Variants in ARHGAP23 observed in about 807,000 individuals in gnomAD.
ARHGAP23 encodes the protein Rho GTPase activating protein 23, also known as rho GTPase-activating protein 23.
A neutral mutation model predicts 136.3 loss-of-function variants in ARHGAP23; 34 were observed. That is an observed-to-expected ratio of 0.25 (90% confidence interval 0.19 to 0.33). ARHGAP23 has a LOEUF of 0.33. Ranked by LOEUF, ARHGAP23 falls within the 10% of genes least tolerant of loss-of-function variation. The pLI is 1.00. For missense variants in ARHGAP23, 1,808 were observed against 2,139.0 expected (o/e 0.85, Z 3.05); for synonymous variants, 832 against 920.5 (o/e 0.90, Z 1.74).
At position 38,497,428 on chromosome 17, in the gene ARHGAP23, G is replaced by T. The variant is rs558046558; in HGVS notation, c.3277-357G>T. ...CTGGTGCCTCCCTGCCCCCCGGCTC[G>T]CTGTGGGGAGTATACCACAGGGGTG... On this transcript the variant is annotated intron_variant, in intron 20 of 23. Transcript: ENST00000622683. 4.6e-5 allele frequency among the ~76,000 whole-genome samples: 7 copies of T among 152,338 alleles called. 1 individual carries two copies. The highest frequency in any genetic ancestry group is 3.3e-4 in the Admixed American group (5 of 15,306).
In ARHGAP23 at chr17:38,477,836, C is replaced by G. The variant is rs1316309528; in HGVS notation, c.2376C>G (p.Asp792Glu). ...DFCEYLFQAE[D>E]RDDMLGWIRA... ...GTGAATATCTCTTTCAGGCTGAGGA[C>G]CGGGATGACATGCTGGGCTGGATCA... Residue 792 changes from aspartate (D) to glutamate (E), a missense_variant, in exon 12 of 24, where the codon GAC becomes GAG. Asp to Glu is a conservative substitution (Grantham distance 45). Coordinates refer to ENST00000622683, the MANE Select transcript of ARHGAP23 (RefSeq NM_001199417.2). This position sits in a 1 kb window ranked among gnomAD's most constrained non-coding sequence, Gnocchi z 6.6. 9.7e-6 allele frequency: 15 copies of G among 1,549,574 alleles called. No individual in the cohort carries two copies. The highest frequency in any genetic ancestry group is 1.2e-5 in the Non-Finnish European group (14 of 1,146,622).
rs1323470620 is a variant in ARHGAP23 at position 38,510,275 on chromosome 17, T to C, written c.3779T>C (p.Val1260Ala). 1.5e-5 allele frequency: 19 copies of C among 1,294,702 alleles called. No homozygotes were observed. Among genetic ancestry groups the C allele is most frequent in the Middle Eastern group, 2.2e-4 (1 of 4,628 alleles). 80.2% of individuals were successfully genotyped at this position (1,294,702 alleles called of 1,614,324 possible). A position where few individuals can be genotyped will look rare whatever the true frequency, so the allele number is the denominator to read the frequency against. ...ACCCTGTCCACCATGGACCGCAGCG[T>C]GTGCTCGGGCGCTAGCGGTCGGCGG... Reference protein sequence around the residue: ...YSTLSTMDRSVCSGASGRRAG... With the variant: ...YSTLSTMDRSACSGASGRRAG... The change falls in exon 24 of 24, where the codon GTG (valine) becomes GCG (alanine). Residue 1260 changes from valine (V) to alanine (A), a missense_variant. Val to Ala is a moderately conservative substitution (Grantham distance 64). This residue lies in a region of ARHGAP23 where 506 missense variants were observed against 455.8 expected (regional missense o/e 1.11). Transcript: ENST00000622683. This position sits in a 1 kb window ranked among gnomAD's most constrained non-coding sequence, Gnocchi z 4.6.
chr17:38,466,532 G>A lies in ARHGAP23; in HGVS notation c.849G>A (p.Glu283=), dbSNP rs1477252404. ...PGSRVPPSRL[E]CQQALSHWLS... The stretch of plus-strand genomic sequence containing the variant: ...GCCGGGTGCCCCCCAGCAGACTGGA[G>A]TGCCAGCAGGCCTTGTCACACTGGC... The change falls in exon 7 of 24, where the codon GAG becomes GAA. Residue 283 remains glutamate (E), a synonymous_variant. Coordinates refer to ENST00000622683, the MANE Select transcript of ARHGAP23 (RefSeq NM_001199417.2). 2.0e-6 allele frequency: 3 copies of A among 1,475,522 alleles called. No individual in the cohort carries two copies. The highest frequency in any genetic ancestry group is 2.7e-6 in the Non-Finnish European group (3 of 1,116,746). 91.4% of individuals were successfully genotyped at this position (1,475,522 alleles called of 1,614,324 possible).
intron 1 of ARHGAP23, among the ~76,000 whole-genome samples, chr17:38,429,912 C>T (rs1204760670): frequency 6.6e-6 from 1 of 152,218 alleles, no homozygotes; most frequent in African/African-American, 2.4e-5. Flanking sequence ...AAAGTGACAG[C>T]TCTCACTGCC....
chr17:38,496,649 G>A (rs1037640011), intron 20 of ARHGAP23, among the ~76,000 whole-genome samples: 6 of 152,260 alleles, frequency 3.9e-5, no homozygotes, highest in Admixed American at 3.3e-4. Flanking sequence ...GCTCCAGAGA[G>A]CAGGAGGTTC....
At chr17:38,429,419 G>C (rs1416875058) in intron 1 of ARHGAP23, among the ~76,000 whole-genome samples, 1 of 152,226 alleles carries the variant, frequency 6.6e-6, no homozygotes, top group African/African-American at 2.4e-5. Context: ...ACACTGTCAG[G>C]CCAACAGTTT....
At chr17:38,484,852 C>T (rs2040125562) in intron 16 of ARHGAP23, among the ~76,000 whole-genome samples, 1 of 152,112 alleles carries the variant, frequency 6.6e-6, no homozygotes, top group African/African-American at 2.4e-5. Context: ...ATGAATCTAA[C>T]CCCTGGTGAG....
At chr17:38,462,021 G>A (rs749295947) in intron 3 of ARHGAP23, among the ~76,000 whole-genome samples, 10 of 147,816 alleles carry the variant, frequency 6.8e-5, no homozygotes, top group African/African-American at 1.8e-4. Context: ...GGTGCTATCC[G>A]GGCTCACTGC....
rs2040723207 is a variant in ARHGAP23 at position 38,510,163 on chromosome 17, C to T, written c.3667C>T (p.Pro1223Ser). 1.5e-6 allele frequency: 2 copies of T among 1,293,406 alleles called. No individual in the cohort carries two copies. Among genetic ancestry groups the T allele is most frequent in the African/African-American group, 1.5e-5 (1 of 64,614 alleles). 80.1% of individuals were successfully genotyped at this position (1,293,406 alleles called of 1,614,324 possible). ...GGGGCCGCTGCCTGGCGCCGTCGCC[C>T]CCGAGGCCCCCGGACGCCTCAGTCC... Reference protein sequence around the residue: ...PQGPLPGAVAPEAPGRLSPPA... With the variant: ...PQGPLPGAVASEAPGRLSPPA... Residue 1223 changes from proline to serine, a missense_variant, in exon 24 of 24, where the codon CCC becomes TCC. By Grantham distance (74) the Pro-to-Ser change is moderately conservative. Transcript: ENST00000622683. This position sits in a 1 kb window ranked among gnomAD's most constrained non-coding sequence, Gnocchi z 4.6.
intron 6 of ARHGAP23, among the ~76,000 whole-genome samples, chr17:38,464,412 T>A (rs2039534150): frequency 6.6e-6 from 1 of 152,240 alleles, no homozygotes; most frequent in Admixed American, 6.5e-5. Context: ...GGCGGCTTAC[T>A]TGCCCCTGAG....
chr17:38,445,107 C>A (rs533999883), intron 1 of ARHGAP23, among the ~76,000 whole-genome samples: 1 of 151,810 alleles, frequency 6.6e-6, no homozygotes, highest in South Asian at 2.1e-4. Flanking sequence ...CCTGAGCCAC[C>A]GTGCCTGGCC....
upstream of ARHGAP23, among the ~76,000 whole-genome samples, chr17:38,426,516 C>CTGGA (rs2038571078): frequency 7.7e-6 from 1 of 129,678 alleles, no homozygotes; most frequent in African/African-American, 3.1e-5. Flanking sequence ...CACCATTGCA[C>CTGGA]TCCAGCCTGG....
chr17:38,504,473 G>A (rs1404621278), intron 23 of ARHGAP23, among the ~76,000 whole-genome samples: 3 of 152,326 alleles, frequency 2.0e-5, no homozygotes, highest in South Asian at 2.1e-4. Context: ...CAGGCTGTGA[G>A]CTCTGAGGGT....
At chr17:38,485,540 C>T (rs1420251950) in intron 16 of ARHGAP23, among the ~76,000 whole-genome samples, 1 of 152,138 alleles carries the variant, frequency 6.6e-6, no homozygotes, top group African/African-American at 2.4e-5. Flanking sequence ...AAAGTCAGGG[C>T]TGGGGTGCAG....
chr17:38,469,167 G>A lies in ARHGAP23; in HGVS notation c.1672G>A (p.Asp558Asn). 1 of 1,551,116 alleles carries A rather than the reference G, an allele frequency of 6.4e-7. No individual in the cohort carries two copies. Among genetic ancestry groups the A allele is most frequent in the Non-Finnish European group, 8.7e-7 (1 of 1,146,592 alleles). The change falls in exon 8 of 24, where the codon GAC becomes AAC. Residue 558 changes from aspartate (D) to asparagine (N), a missense_variant. Transcript: ENST00000622683. Reference protein sequence around the residue: ...FIDEPTSPSIDLQAKHVPASA... With the variant: ...FIDEPTSPSINLQAKHVPASA... ...AGATGAGCCCACCAGCCCCAGCATT[G>A]ACCTCCAAGCCAAGCACGTCCCTGC... is the stretch of plus-strand genomic sequence containing the variant.
At chr17:38,507,564 A>G (rs1475274100) in intron 23 of ARHGAP23, among the ~76,000 whole-genome samples, 3 of 152,178 alleles carry the variant, frequency 2.0e-5, no homozygotes, top group Admixed American at 2.0e-4. Flanking sequence ...AAGAGAAATC[A>G]GTCTGACCTC....
intron 1 of ARHGAP23, among the ~76,000 whole-genome samples, chr17:38,439,072 G>A (rs1055585844): frequency 5.9e-5 from 9 of 151,504 alleles, no homozygotes; most frequent in Non-Finnish European, 1.3e-4. Flanking sequence ...AGCTACTTGG[G>A]AGGCTGAGGC....
At chr17:38,445,135 G>A (rs1408618347) in intron 1 of ARHGAP23, among the ~76,000 whole-genome samples, 5 of 151,374 alleles carry the variant, frequency 3.3e-5, no homozygotes, top group Non-Finnish European at 1.5e-5. Flanking sequence ...TTGTGTGTGT[G>A]TTTGATTTCT....
intron 17 of ARHGAP23, among the ~76,000 whole-genome samples, chr17:38,488,175 T>C (rs1436830979): frequency 6.6e-6 from 1 of 152,244 alleles, no homozygotes. Context: ...TTCAAAGTGC[T>C]GGGATTTTAG....
Sources: gnomAD v4.1 joint callset for allele counts (sites outside exome capture counted in the v4.1 genomes callset) on GRCh38, gnomAD v4.1.1 for gene constraint, gnomAD v4.1.1 regional missense constraint, Gnocchi (gnomAD v3.1) non-coding constraint, MANE v1.5 for transcripts, NCBI Gene and HGNC (gene_info 2026-07-23, HGNC 2026-07-21) for gene names.